GRIK2: variants seen among roughly 807,000 people sequenced by gnomAD.
GRIK2 encodes the protein glutamate receptor ionotropic, kainate 2.
A neutral mutation model predicts 100.3 loss-of-function variants in GRIK2; 32 were observed. The ratio of observed to expected loss-of-function variants is 0.32; its 90% CI spans 0.24 to 0.43. The LOEUF (loss-of-function observed/expected upper bound fraction) is 0.43. GRIK2 is among the 20% of genes least tolerant of loss of function. The probability of loss-of-function intolerance (pLI) is 1.00; values close to 1 mark genes in which losing one functional copy is unlikely to be tolerated. For synonymous variants in GRIK2, 417 were observed against 389.4 expected (o/e 1.07, Z -0.83); for missense variants, 843 against 1,114.9 (o/e 0.76, Z 3.47).
Position 101,879,547 on chromosome 6 carries a change from AC to A in GRIK2, c.1525-10091del, listed in dbSNP as rs1324011546. ...GACTCTATGCTTCTTGGGTTCTTGA[AC>A]CTCTCAGCCACCTAGTCCTAAAGTC... is the stretch of plus-strand genomic sequence containing the variant. On this transcript the variant is annotated intron_variant, in intron 11 of 16. Coordinates refer to ENST00000369134, the MANE Select transcript of GRIK2 (RefSeq NM_021956.5). Among the ~76,000 whole-genome samples the A allele has an allele frequency of 2.6e-5, 4 of 151,778 alleles. No homozygotes were observed. In the East Asian group the frequency reaches 7.8e-4, roughly 30 times the overall value.
At chr6:101,777,486 T>A (rs2128400343) in intron 7 of GRIK2, among the ~76,000 whole-genome samples, 1 of 152,342 alleles carries the variant, frequency 6.6e-6, no homozygotes, top group South Asian at 2.1e-4. Flanking sequence ...CATTTGTATT[T>A]TTTTTCCTGA....
chr6:102,026,111 C>CATATATATATATATAT (rs6149730), intron 14 of GRIK2, among the ~76,000 whole-genome samples: 10 of 100,250 alleles, frequency 1.0e-4, no homozygotes, highest in Non-Finnish European at 1.8e-4. Flanking sequence ...TATACACTTA[C>CATATATATATATATAT]ATATATATAT....
intron 7 of GRIK2, among the ~76,000 whole-genome samples, chr6:101,717,529 GAA>G (rs999763087): frequency 6.6e-6 from 1 of 151,728 alleles, no homozygotes; most frequent in African/African-American, 2.4e-5. Flanking sequence ...TTTTCCTTAG[GAA>G]AGAGTCACTT....
chr6:101,973,412 C>CA (rs1484472642), intron 14 of GRIK2, among the ~76,000 whole-genome samples: 2 of 151,776 alleles, frequency 1.3e-5, no homozygotes, highest in South Asian at 2.1e-4. Flanking sequence ...CAATAATATC[C>CA]AAAAATGCAA....
chr6:101,912,767 G>C (rs1033073802), intron 12 of GRIK2, among the ~76,000 whole-genome samples: 1 of 151,402 alleles, frequency 6.6e-6, no homozygotes, highest in African/African-American at 2.4e-5. Context: ...GTGGCCTGAG[G>C]TTCTTAATAT....
chr6:101,591,456 T>C (rs895186323), intron 2 of GRIK2, among the ~76,000 whole-genome samples: 2 of 152,054 alleles, frequency 1.3e-5, no homozygotes, highest in African/African-American at 2.4e-5. Context: ...ATTTCTCATG[T>C]TTCCAATGAA....
At chr6:101,625,189 T>C (rs62421386) in intron 3 of GRIK2, among the ~76,000 whole-genome samples, 28,566 of 151,654 alleles carry the variant, frequency 0.19, 3,121 homozygotes, top group African/African-American at 0.31. Context: ...CTGGCTAACA[T>C]GGTGAAACCC....
Position 101,523,759 on chromosome 6 carries a change from G to A in GRIK2, c.116-98190G>A, listed in dbSNP as rs10214620. 3.2e-3 allele frequency among the ~76,000 whole-genome samples: 426 copies of A among 133,390 alleles called. 3 individuals are homozygous for A. The highest frequency in any genetic ancestry group is 0.012 in the African/African-American group (415 of 35,858). The allele number at this position is 133,390 out of a possible 152,430, so 87.5% of individuals were successfully genotyped here. A position where few individuals can be genotyped will look rare whatever the true frequency, so the allele number is the denominator to read the frequency against. ...TTTTTTGATGGAGTCTCACTCTGTCGCCTAGGCTAGAATGCAGTGGCATTA... is the reference window on the plus strand; with the variant it reads ...TTTTTTGATGGAGTCTCACTCTGTCACCTAGGCTAGAATGCAGTGGCATTA... On this transcript the variant is annotated intron_variant, in intron 2 of 16. Coordinates refer to ENST00000369134, the MANE Select transcript of GRIK2 (RefSeq NM_021956.5).
intron 2 of GRIK2, among the ~76,000 whole-genome samples, chr6:101,493,706 G>T (rs2097066348): frequency 6.6e-6 from 1 of 151,502 alleles, no homozygotes; most frequent in Non-Finnish European, 1.5e-5. Flanking sequence ...GTCCAATCAG[G>T]TAGCTTCAGC....
At chr6:101,655,274 G>A (rs550339909) in intron 4 of GRIK2, among the ~76,000 whole-genome samples, 1 of 152,206 alleles carries the variant, frequency 6.6e-6, no homozygotes, top group East Asian at 1.9e-4. Flanking sequence ...AATTTCTGGT[G>A]GAGTAAGAAT....
chr6:101,484,694 T>C (rs553600263), intron 2 of GRIK2, among the ~76,000 whole-genome samples: 16 of 152,222 alleles, frequency 1.1e-4, no homozygotes, highest in African/African-American at 3.9e-4. Context: ...TTATCATTAT[T>C]GTGAGTTATT....
intron 2 of GRIK2, among the ~76,000 whole-genome samples, chr6:101,568,177 A>C (rs997729663): frequency 3.3e-5 from 5 of 151,956 alleles, no homozygotes; most frequent in Non-Finnish European, 5.9e-5. Flanking sequence ...TCTTTTCAAA[A>C]CTATTTCACA....
chr6:101,486,396 G>GA lies in GRIK2; in HGVS notation c.115+87004_115+87005insA, dbSNP rs201494825. On this transcript the variant is annotated intron_variant, in intron 2 of 16. Transcript: ENST00000369134. ...GGTTGCATGAGGGGGTGGGGCGGGG[G>GA]GGGGAAGCTAAGTAGATTATAGAAA... Among the ~76,000 whole-genome samples the GA allele has an allele frequency of 2.0e-4, 27 of 135,680 alleles. No homozygotes were observed. In the East Asian group the frequency reaches 6.3e-3, roughly 32 times the overall value. 89.0% of individuals were successfully genotyped at this position (135,680 alleles called of 152,430 possible).
At chr6:102,019,173 C>G (rs1178841374) in intron 14 of GRIK2, among the ~76,000 whole-genome samples, 10 of 151,988 alleles carry the variant, frequency 6.6e-5, no homozygotes, top group Non-Finnish European at 1.3e-4. Context: ...AAATTTAAGG[C>G]TAGAGTCAGT....
At chr6:101,621,159 C>CT (rs1780138008) in intron 2 of GRIK2, among the ~76,000 whole-genome samples, 1 of 152,096 alleles carries the variant, frequency 6.6e-6, no homozygotes, top group South Asian at 2.1e-4. Flanking sequence ...ATAATTTGGG[C>CT]TTTTAACACA....
intron 2 of GRIK2, among the ~76,000 whole-genome samples, chr6:101,481,667 A>T (rs1772535353): frequency 6.6e-6 from 1 of 152,188 alleles, no homozygotes; most frequent in South Asian, 2.1e-4. Context: ...TTTGAACTAC[A>T]GTAACCAAGA....
At chr6:101,980,292 T>C (rs1178889272) in intron 14 of GRIK2, among the ~76,000 whole-genome samples, 3 of 152,134 alleles carry the variant, frequency 2.0e-5, no homozygotes, top group African/African-American at 7.2e-5. Context: ...GAAGAATGTT[T>C]TACCATTTTA....
rs143264094 is a variant in GRIK2 at position 101,493,862 on chromosome 6, T to C, written c.115+94470T>C. On this transcript the variant is annotated intron_variant, in intron 2 of 16. Coordinates refer to ENST00000369134, the MANE Select transcript of GRIK2 (RefSeq NM_021956.5). ...AGCAACAACATTATTTCTCAAACCA[T>C]GATAAAAACTATTTCAAAGTTTTAT... Among the ~76,000 whole-genome samples the C allele has an allele frequency of 5.5e-3, 820 of 149,628 alleles. 6 individuals carry two copies. Among genetic ancestry groups the C allele is most frequent in the African/African-American group, 0.019 (774 of 41,014 alleles).
intron 14 of GRIK2, among the ~76,000 whole-genome samples, chr6:101,957,903 C>A (rs891534943): frequency 1.3e-5 from 2 of 151,914 alleles, no homozygotes; most frequent in Non-Finnish European, 2.9e-5. Context: ...CTATTTATAC[C>A]AGCACCATGC....
Sources: gnomAD v4.1 joint callset for allele counts (sites outside exome capture counted in the v4.1 genomes callset) on GRCh38, gnomAD v4.1.1 for gene constraint, MANE v1.5 for transcripts, NCBI Gene and HGNC (gene_info 2026-07-23, HGNC 2026-07-21) for gene names.